Variants in ITPR1 observed in about 807,000 individuals in gnomAD.
The protein encoded by ITPR1 is inositol 1,4,5-trisphosphate receptor type 1, also known as inositol 1,4,5-trisphosphate-gated calcium channel ITPR1.
ITPR1 carries 96 observed loss-of-function variants against 318.4 expected under a neutral mutation model. That is an observed-to-expected ratio of 0.30 (90% confidence interval 0.26 to 0.36). ITPR1 has a LOEUF of 0.36. ITPR1 is among the 10% of genes least tolerant of loss of function. The pLI is 1.00. For missense variants in ITPR1, 2,440 were observed against 3,460.2 expected, an observed-to-expected ratio of 0.71 and a Z score of 7.40; for synonymous variants, 1,312 against 1,289.9, an observed-to-expected ratio of 1.02 and a Z score of -0.37.
chr3:4,838,142 A>G (rs1192077173), intron 61 of ITPR1, among the ~76,000 whole-genome samples: 1 of 152,182 alleles, frequency 6.6e-6, no homozygotes, highest in Non-Finnish European at 1.5e-5. Flanking sequence ...GTGCCCTGAG[A>G]TACCATTTGG....
intron 52 of ITPR1, among the ~76,000 whole-genome samples, chr3:4,792,057 G>A (rs2047590223): frequency 6.6e-6 from 1 of 152,158 alleles, no homozygotes; most frequent in Admixed American, 6.5e-5. Flanking sequence ...AGCTGCTAGA[G>A]GCTACCTGTG....
intron 51 of ITPR1, among the ~76,000 whole-genome samples, chr3:4,785,927 T>C (rs1180191390): frequency 2.6e-5 from 4 of 152,200 alleles, no homozygotes; most frequent in South Asian, 2.1e-4. Flanking sequence ...GCCACCCAGC[T>C]CTTCAGGTTT....
Position 4,619,786 on chromosome 3 carries a change from C to T in ITPR1, c.164-7977C>T, listed in dbSNP as rs568472538. Among the ~76,000 whole-genome samples the T allele has an allele frequency of 4.4e-3, 535 of 122,544 alleles. 40 individuals are homozygous for T. The highest frequency in any genetic ancestry group is 8.2e-3 in the Non-Finnish European group (452 of 55,334). The allele number at this position is 122,544 out of a possible 152,430, so 80.4% of individuals were successfully genotyped here. On this transcript the variant is annotated intron_variant, in intron 4 of 61. Coordinates refer to ENST00000649015, the MANE Select transcript of ITPR1 (RefSeq NM_001378452.1). ...CTCTCTTCTGCCCTCCCCTGCTCTC[C>T]TCTGCCCTCCCCTGCTCTCCTCTGC... is the stretch of plus-strand genomic sequence containing the variant.
Position 4,533,273 on chromosome 3 carries a change from T to C in ITPR1, c.163+12179T>C, listed in dbSNP as rs200277418. On this transcript the variant is annotated intron_variant, in intron 4 of 61. Transcript: ENST00000649015. The stretch of plus-strand genomic sequence containing the variant: ...AGTCAAGGCTTGCCGAATCCGGTCA[T>C]AATGAGTGGGTAAGATGTCCTGGGG... Among the ~76,000 whole-genome samples, 33 of 152,342 alleles carry C rather than the reference T, an allele frequency of 2.2e-4. 1 individual carries two copies. In the East Asian group the frequency reaches 5.8e-3, roughly 27 times the overall value.
At chr3:4,585,685 C>T (rs1336182685) in intron 4 of ITPR1, among the ~76,000 whole-genome samples, 1 of 152,054 alleles carries the variant, frequency 6.6e-6, no homozygotes, top group Non-Finnish European at 1.5e-5. Flanking sequence ...GATCTACCTG[C>T]CTCAGCCTCC....
At chr3:4,499,509 G>A (rs304065) in intron 2 of ITPR1, among the ~76,000 whole-genome samples, 11,281 of 151,774 alleles carry the variant, frequency 0.074, 531 homozygotes, top group Non-Finnish European at 0.11. Context: ...ATAGATATTT[G>A]TAAAAAATAC....
chr3:4,551,916 A>C (rs113041225), intron 4 of ITPR1, among the ~76,000 whole-genome samples: 3 of 152,230 alleles, frequency 2.0e-5, no homozygotes, highest in Admixed American at 2.0e-4. Flanking sequence ...TAGAAAAGAT[A>C]ATTTGATTGA....
At chr3:4,570,680 C>G (rs756868851) in intron 4 of ITPR1, among the ~76,000 whole-genome samples, 5 of 152,180 alleles carry the variant, frequency 3.3e-5, no homozygotes, top group Admixed American at 6.5e-5. Flanking sequence ...TCTGTATAAT[C>G]TAGATTTTTC....
At chr3:4,771,544 C>A (rs2046184262) in intron 46 of ITPR1, among the ~76,000 whole-genome samples, 1 of 152,138 alleles carries the variant, frequency 6.6e-6, no homozygotes, top group Admixed American at 6.5e-5. Flanking sequence ...TTCATCATTT[C>A]TTGTTTGGAA....
chr3:4,619,211 G>A (rs1403815164), intron 4 of ITPR1, among the ~76,000 whole-genome samples: 1 of 151,998 alleles, frequency 6.6e-6, no homozygotes, highest in Admixed American at 6.6e-5. Flanking sequence ...TGTCCCATTA[G>A]TCTGAAATTT....
At chr3:4,546,312 G>A (rs1048879770) in intron 4 of ITPR1, among the ~76,000 whole-genome samples, 1 of 152,126 alleles carries the variant, frequency 6.6e-6, no homozygotes, top group Non-Finnish European at 1.5e-5. Flanking sequence ...GTGAGCACTC[G>A]AACCTGTCAT....
intron 4 of ITPR1, 53 bp from the exon 5 acceptor site, chr3:4,627,710 T>C: frequency 9.6e-7 from 1 of 1,043,802 alleles, no homozygotes. Flanking sequence ...TTCCTTAGGC[T>C]GAGTCTCTAT....
intron 45 of ITPR1, among the ~76,000 whole-genome samples, chr3:4,767,522 T>C (rs1233631383): frequency 6.6e-6 from 1 of 152,216 alleles, no homozygotes; most frequent in East Asian, 1.9e-4. Context: ...ACGTTCTTTT[T>C]TAAAAAACGA....
intron 4 of ITPR1, among the ~76,000 whole-genome samples, chr3:4,546,743 G>A (rs138480146): frequency 1.2e-4 from 18 of 149,570 alleles, no homozygotes; most frequent in African/African-American, 2.5e-4. Context: ...TAAACCAAGC[G>A]CTGGGCCAAC....
chr3:4,730,504 T>G (rs2042853685), intron 42 of ITPR1, among the ~76,000 whole-genome samples: 1 of 151,728 alleles, frequency 6.6e-6, no homozygotes, highest in South Asian at 2.1e-4. Context: ...TGGTAACTGC[T>G]AGGGTTTTTC....
chr3:4,530,468 C>T (rs920321423), intron 4 of ITPR1, among the ~76,000 whole-genome samples: 9 of 152,352 alleles, frequency 5.9e-5, no homozygotes, highest in African/African-American at 2.2e-4. Flanking sequence ...CTCCAAACTA[C>T]CTGAGCCTGT....
At chr3:4,807,706 T>G (rs2048676310) in intron 55 of ITPR1, among the ~76,000 whole-genome samples, 1 of 152,262 alleles carries the variant, frequency 6.6e-6, no homozygotes, top group African/African-American at 2.4e-5. Context: ...AAAATAGGTC[T>G]GGCTATATTT....
intron 49 of ITPR1, 34 bp from the exon 50 acceptor site, chr3:4,782,585 A>AAAG (rs763269931): frequency 6.3e-7 from 1 of 1,581,478 alleles, no homozygotes; most frequent in Non-Finnish European, 8.6e-7. Context: ...TCTTCCTTGA[A>AAAG]ACAGGATTTT....
intron 54 of ITPR1, among the ~76,000 whole-genome samples, chr3:4,802,816 G>A (rs11717863): frequency 0.078 from 11,804 of 151,052 alleles, 510 homozygotes; most frequent in Non-Finnish European, 0.088. Flanking sequence ...GTGACAGAAT[G>A]AGACTGATTA....
Sources: gnomAD v4.1 joint callset for allele counts (sites outside exome capture counted in the v4.1 genomes callset) on GRCh38, gnomAD v4.1.1 for gene constraint, MANE v1.5 for transcripts, NCBI Gene and HGNC (gene_info 2026-07-23, HGNC 2026-07-21) for gene names.